TNKS: variants seen among roughly 807,000 people sequenced by gnomAD.
TNKS encodes poly [ADP-ribose] polymerase tankyrase-1.
Under a neutral mutation model 135.8 loss-of-function variants are expected in TNKS, and 72 were observed. The observed-to-expected ratio is 0.53, with a 90% CI of 0.44 to 0.64. The LOEUF is 0.64. Ranked by LOEUF, TNKS falls within the 30% of genes least tolerant of loss-of-function variation. The pLI is 0.00. For synonymous variants in TNKS, 849 were observed against 649.3 expected (o/e 1.31, Z -4.68); for missense variants, 1,769 against 1,674.0 (o/e 1.06, Z -0.99).
chr8:9,764,695 A>G (rs1382799707), intron 22 of TNKS, 21 bp from the exon 23 acceptor site: 8 of 1,572,940 alleles, frequency 5.1e-6, no homozygotes, highest in Middle Eastern at 1.7e-4. Context: ...TTTTTATAAA[A>G]TTAGTTATTT....
At chr8:9,646,804 C>A (rs1335293129) in intron 3 of TNKS, among the ~76,000 whole-genome samples, 1 of 152,064 alleles carries the variant, frequency 6.6e-6, no homozygotes, top group Non-Finnish European at 1.5e-5. Context: ...GTCTCTTTCC[C>A]CGTTAGTCCT....
chr8:9,771,842 G>GAA (rs369713971), intron 26 of TNKS, among the ~76,000 whole-genome samples: 19 of 54,496 alleles, frequency 3.5e-4, no homozygotes, highest in African/African-American at 8.9e-4. Flanking sequence ...GGGGAGAGAG[G>GAA]GGAGGGAGGG....
intron 1 of TNKS, among the ~76,000 whole-genome samples, chr8:9,572,674 G>C (rs1349237395): frequency 6.6e-6 from 1 of 152,182 alleles, no homozygotes; most frequent in East Asian, 1.9e-4. Flanking sequence ...GTCATGTTGA[G>C]ATGGGGCTGC....
intron 8 of TNKS, 108 bp downstream of exon 8, chr8:9,707,105 T>C (rs1804085693): frequency 1.1e-6 from 1 of 917,084 alleles, no homozygotes; most frequent in African/African-American, 1.7e-5. Context: ...AGCAGACTAA[T>C]TCATAATCCT....
intron 12 of TNKS, among the ~76,000 whole-genome samples, chr8:9,724,830 A>T (rs1212684051): frequency 2.0e-5 from 3 of 152,214 alleles, no homozygotes; most frequent in Non-Finnish European, 4.4e-5. Flanking sequence ...TTGATTGGAA[A>T]ATTATACTCT....
chr8:9,646,232 T>G (rs1800915188), intron 3 of TNKS, among the ~76,000 whole-genome samples: 1 of 152,170 alleles, frequency 6.6e-6, no homozygotes, highest in South Asian at 2.1e-4. Context: ...AAAGATTTCC[T>G]TGTTTTTTTC....
chr8:9,655,928 G>A (rs1171460511), intron 3 of TNKS, among the ~76,000 whole-genome samples: 1 of 152,178 alleles, frequency 6.6e-6, no homozygotes, highest in African/African-American at 2.4e-5. Context: ...GAAGGCTTCA[G>A]AAGATCAAAC....
intron 3 of TNKS, among the ~76,000 whole-genome samples, chr8:9,677,078 G>A (rs911350576): frequency 1.3e-5 from 2 of 152,192 alleles, no homozygotes; most frequent in Non-Finnish European, 2.9e-5. Flanking sequence ...CAGAGTGTGA[G>A]GGGCTCTAAA....
At chr8:9,757,317 G>A (rs1806891560) in intron 20 of TNKS, among the ~76,000 whole-genome samples, 2 of 152,110 alleles carry the variant, frequency 1.3e-5, no homozygotes, top group Non-Finnish European at 2.9e-5. Flanking sequence ...GATAGATAAG[G>A]CCCTTTAAGA....
Position 9,761,662 on chromosome 8 carries a change from A to T in TNKS, c.3274+26A>T, listed in dbSNP as rs201781017. The T allele has an allele frequency of 6.2e-4, 970 of 1,574,854 alleles. 1 individual carries two copies. The highest frequency in any genetic ancestry group is 2.9e-3 in the Middle Eastern group (17 of 5,950). On this transcript the variant is annotated intron_variant, in intron 21 of 26. Transcript: ENST00000310430. ...GTAAGCTATTCAGAAAAAAAAAAAA[A>T]TTTCAGAAATCAGTGGTACAAGGTA...
chr8:9,715,282 A>G (rs1804547933), intron 11 of TNKS, among the ~76,000 whole-genome samples: 2 of 152,118 alleles, frequency 1.3e-5, no homozygotes, highest in African/African-American at 4.8e-5. Context: ...TAATTTGATG[A>G]AAGTTTAATA....
chr8:9,733,080 T>C (rs991565075), intron 14 of TNKS, among the ~76,000 whole-genome samples, 199 bp from the exon 15 acceptor site: 15 of 152,188 alleles, frequency 9.9e-5, no homozygotes, highest in African/African-American at 2.7e-4. Flanking sequence ...AATCTTTACA[T>C]TGAAAGAACA....
At chr8:9,714,340 T>G (rs977563095) in intron 11 of TNKS, among the ~76,000 whole-genome samples, 34 of 152,142 alleles carry the variant, frequency 2.2e-4, no homozygotes, top group Admixed American at 1.8e-3. Flanking sequence ...CTTTTTTTTT[T>G]TTTAATCAAA....
At chr8:9,560,375 G>C (rs184475705) in intron 1 of TNKS, among the ~76,000 whole-genome samples, 1 of 149,302 alleles carries the variant, frequency 6.7e-6, no homozygotes, top group African/African-American at 2.5e-5. Context: ...ATAAAAACTA[G>C]TTTTCTTTGT....
chr8:9,764,931 T>C, intron 23 of TNKS, 141 bp downstream of exon 23: 5 of 549,990 alleles, frequency 9.1e-6, no homozygotes, highest in East Asian at 3.2e-5. Flanking sequence ...CAGATAGCAC[T>C]CTTCTCACTA....
At chr8:9,756,850 C>A (rs1806858115) in intron 20 of TNKS, among the ~76,000 whole-genome samples, 1 of 152,216 alleles carries the variant, frequency 6.6e-6, no homozygotes. Context: ...CAGTTGCCTT[C>A]CCTTCCAAAT....
At chr8:9,572,114 G>A (rs140541058) in intron 1 of TNKS, among the ~76,000 whole-genome samples, 3 of 152,144 alleles carry the variant, frequency 2.0e-5, no homozygotes, top group African/African-American at 2.4e-5. Flanking sequence ...GCTCACACAC[G>A]TACTACTGAA....
rs187402857 is a variant in TNKS, at chr8:9,729,010, A to G, written c.2002-1880A>G. Among the ~76,000 whole-genome samples, 467 of 152,318 alleles carry G rather than the reference A, an allele frequency of 3.1e-3. 2 individuals carry two copies. Among genetic ancestry groups the G allele is most frequent in the Non-Finnish European group, 5.8e-3 (392 of 68,028 alleles). On this transcript the variant is annotated intron_variant, in intron 13 of 26. Transcript: ENST00000310430. ...TTTCTCTCAGTTCTGGAGGCTAGGA[A>G]GTCCAAGATCCAGGTACTCGTAGGC...
At chr8:9,612,647 C>T (rs1484918420) in intron 2 of TNKS, among the ~76,000 whole-genome samples, 4 of 152,026 alleles carry the variant, frequency 2.6e-5, no homozygotes, top group African/African-American at 7.2e-5. Flanking sequence ...TGGAATGCAG[C>T]CATGCTCATT....
Sources: allele counts gnomAD v4.1 joint callset (sites outside exome capture counted in the v4.1 genomes callset), GRCh38; gene constraint gnomAD v4.1.1; transcripts MANE v1.5; gene names NCBI Gene and HGNC (gene_info 2026-07-23, HGNC 2026-07-21).